INSL6: variants seen among roughly 807,000 people sequenced by gnomAD.
INSL6 encodes the protein insulin like 6, also known as insulin-like peptide INSL6.
INSL6 carries 16 observed loss-of-function variants against 9.4 expected under a neutral mutation model. The ratio of observed to expected loss-of-function variants is 1.70; its 90% CI spans 1.15 to 2.59. The LOEUF is 2.59. Ranked by LOEUF, INSL6 falls within the 30% of genes most tolerant of loss-of-function variation. The pLI is 0.00. For synonymous variants in INSL6, 154 were observed against 96.9 expected (o/e 1.59, Z -3.46); for missense variants, 391 against 257.3 (o/e 1.52, Z -3.56).
chr9:5,078,267 G>A, the INSL6 span: 2 of 1,570,060 alleles, frequency 1.3e-6, no homozygotes, highest in Non-Finnish European at 1.7e-6. Context: ...CAGTACTTGT[G>A]GACTGATATT....
At chr9:5,089,920 T>C in the INSL6 span, 1 of 1,206,380 alleles carries the variant, frequency 8.3e-7, no homozygotes, top group Non-Finnish European at 1.1e-6. Flanking sequence ...GCATCCTGTG[T>C]AATATAAATG....
the INSL6 span, among the ~76,000 whole-genome samples, chr9:5,054,289 C>A: frequency 2.6e-5 from 4 of 151,962 alleles, no homozygotes; most frequent in African/African-American, 7.2e-5. This position sits in a 1 kb window ranked among gnomAD's most constrained non-coding sequence, Gnocchi z 4.9. Context: ...ATTAACTAGA[C>A]TGAGGATTCA....
the INSL6 span, among the ~76,000 whole-genome samples, chr9:5,068,378 A>G: frequency 6.6e-6 from 1 of 152,184 alleles, no homozygotes; most frequent in South Asian, 2.1e-4. Context: ...AATATTAAAG[A>G]TAATTATACA....
the INSL6 span, chr9:5,077,539 C>T: frequency 1.3e-6 from 2 of 1,488,694 alleles, no homozygotes; most frequent in South Asian, 2.9e-5. Flanking sequence ...ATTATGGAAA[C>T]TTGAAGTTGC....
the INSL6 span, chr9:5,021,940 A>G: frequency 2.3e-5 from 33 of 1,420,802 alleles, no homozygotes; most frequent in Admixed American, 1.7e-5. Flanking sequence ...GCCCATTTGT[A>G]ACTTTATTGT....
At chr9:5,095,203 GT>G in the INSL6 span, among the ~76,000 whole-genome samples, 3 of 152,068 alleles carry the variant, frequency 2.0e-5, no homozygotes, top group Non-Finnish European at 2.9e-5. Context: ...TCCTGAAAAT[GT>G]TGGTTATACC....
the INSL6 span, chr9:5,041,758 A>T: frequency 4.1e-6 from 2 of 489,706 alleles, no homozygotes; most frequent in African/African-American, 3.9e-5. Context: ...AGCAGTGTCC[A>T]CACCGACCTG....
intron 2 of INSL6, among the ~76,000 whole-genome samples, chr9:5,138,093 A>G (rs1824421538): frequency 6.6e-6 from 1 of 152,182 alleles, no homozygotes. Context: ...CAGATGCTGG[A>G]GAGGATGTGG....
chr9:5,081,312 C>T, the INSL6 span, among the ~76,000 whole-genome samples: 1 of 151,350 alleles, frequency 6.6e-6, no homozygotes, highest in Non-Finnish European at 1.5e-5. Context: ...TAACATTTCT[C>T]ATATTTTATA....
the INSL6 span, among the ~76,000 whole-genome samples, chr9:5,061,157 G>C: frequency 2.0e-5 from 3 of 152,222 alleles, no homozygotes; most frequent in Admixed American, 6.5e-5. Context: ...AGGCAGAGTA[G>C]ACTTAGCATA....
downstream of INSL6, among the ~76,000 whole-genome samples, chr9:5,121,867 T>C (rs187955863): frequency 1.3e-5 from 2 of 152,254 alleles, no homozygotes; most frequent in East Asian, 1.9e-4. Flanking sequence ...GAGTGCTATA[T>C]GAAAACCAGA....
At chr9:5,059,530 A>G in the INSL6 span, among the ~76,000 whole-genome samples, 9 of 152,114 alleles carry the variant, frequency 5.9e-5, no homozygotes, top group African/African-American at 2.2e-4. Flanking sequence ...ACATTCTTAT[A>G]CATATTTTTT....
chr9:5,001,041 T>C, the INSL6 span, among the ~76,000 whole-genome samples: 1 of 152,222 alleles, frequency 6.6e-6, no homozygotes, highest in Non-Finnish European at 1.5e-5. Context: ...TTGGTTTTGT[T>C]TATTTTGTGA....
the INSL6 span, chr9:5,090,890 C>G: frequency 6.2e-7 from 1 of 1,604,628 alleles, no homozygotes; most frequent in South Asian, 1.1e-5. Flanking sequence ...GTAAAAGAAC[C>G]TGGTGAAAGT....
the INSL6 span, chr9:5,044,336 A>G: frequency 2.2e-6 from 2 of 922,500 alleles, no homozygotes; most frequent in Admixed American, 1.8e-5. Context: ...GTAGGTGACT[A>G]TATATAGATA....
Position 5,129,778 on chromosome 9 carries a change from C to G in INSL6, c.*10+3647G>C, listed in dbSNP as rs560410396. On this transcript the variant is annotated intron_variant, in intron 3 of 3. Transcript: ENST00000649639. ...AGATTTCAAAATGACACTGAGAGAA[C>G]TGAAAAACTACATCAGTCAAATTCA... is the stretch of plus-strand genomic sequence containing the variant. Among the ~76,000 whole-genome samples the G allele has an allele frequency of 6.1e-4, 93 of 152,224 alleles. 2 individuals are homozygous for G. The South Asian group carries it at 0.01, about 17-fold the overall frequency.
the INSL6 span, among the ~76,000 whole-genome samples, chr9:5,059,246 C>G: frequency 1.3e-5 from 2 of 152,182 alleles, no homozygotes; most frequent in Non-Finnish European, 2.9e-5. Flanking sequence ...CCACCCCTAA[C>G]TTAAGATACC....
the INSL6 span, among the ~76,000 whole-genome samples, chr9:5,018,341 C>G: frequency 6.6e-6 from 1 of 151,814 alleles, no homozygotes; most frequent in Non-Finnish European, 1.5e-5. Context: ...TTGTTTGTTT[C>G]TTTTTTGAGA....
chr9:5,054,627 A>T, the INSL6 span: 1 of 1,612,744 alleles, frequency 6.2e-7, no homozygotes, highest in Non-Finnish European at 8.5e-7. The surrounding 1 kb of genome is among the most constrained non-coding windows in gnomAD (Gnocchi z 4.9). Context: ...TTTGACAAGG[A>T]AGCGAATAAG....
Sources: gnomAD v4.1 joint callset for allele counts (sites outside exome capture counted in the v4.1 genomes callset) on GRCh38, gnomAD v4.1.1 for gene constraint, Gnocchi (gnomAD v3.1) non-coding constraint, MANE v1.5 for transcripts, NCBI Gene and HGNC (gene_info 2026-07-23, HGNC 2026-07-21) for gene names.